NME7: variants seen among roughly 807,000 people sequenced by gnomAD.
The protein encoded by NME7 is NME/NM23 family member 7.
Under a neutral mutation model 49.1 loss-of-function variants are expected in NME7, and 41 were observed. The ratio of observed to expected loss-of-function variants is 0.83; its 90% CI spans 0.65 to 1.08. NME7 has a LOEUF of 1.08. NME7 is among the 50% of genes least tolerant of loss of function. The probability of loss-of-function intolerance (pLI) is 0.00; values close to 1 mark genes in which losing one functional copy is unlikely to be tolerated. For synonymous variants in NME7, 139 were observed against 150.6 expected (o/e 0.92, Z 0.56); for missense variants, 423 against 463.4 (o/e 0.91, Z 0.80).
intron 11 of NME7, among the ~76,000 whole-genome samples, chr1:169,156,866 T>G (rs760824044): frequency 2.6e-5 from 4 of 152,210 alleles, no homozygotes; most frequent in Non-Finnish European, 4.4e-5. Flanking sequence ...GAATTACAAT[T>G]TGATAGCTTA....
At chr1:169,290,422 C>T (rs1180446849) in intron 6 of NME7, among the ~76,000 whole-genome samples, 3 of 152,040 alleles carry the variant, frequency 2.0e-5, no homozygotes, top group Non-Finnish European at 4.4e-5. Context: ...TGAAAGGATT[C>T]CCTATTTAAT....
chr1:169,169,225 AG>A, intron 11 of NME7: 2 of 441,274 alleles, frequency 4.5e-6, no homozygotes, highest in Non-Finnish European at 8.4e-6. Context: ...GGGATAGGGG[AG>A]GGATAACATT....
At chr1:169,230,891 G>T in intron 9 of NME7, 72 bp from the exon 10 acceptor site, 1 of 1,005,226 alleles carries the variant, frequency 9.9e-7, no homozygotes. Flanking sequence ...TTGTTTCACT[G>T]TTCCACTAAT....
intron 5 of NME7, 119 bp from the exon 6 acceptor site, chr1:169,298,882 G>T: frequency 1.1e-6 from 1 of 877,300 alleles, no homozygotes; most frequent in Non-Finnish European, 1.7e-6. Flanking sequence ...TATAATCTTA[G>T]AACCATTAAG....
intron 3 of NME7, among the ~76,000 whole-genome samples, chr1:169,315,950 T>C (rs1232997769): frequency 6.6e-6 from 1 of 151,988 alleles, no homozygotes; most frequent in Non-Finnish European, 1.5e-5. Flanking sequence ...AAAAGGGGAA[T>C]AAAGAAAATT....
intron 11 of NME7, among the ~76,000 whole-genome samples, chr1:169,144,409 A>C (rs186114978): frequency 6.6e-6 from 1 of 152,258 alleles, no homozygotes. Flanking sequence ...ATACTATTCT[A>C]TGTTTTGTTT....
intron 7 of NME7, among the ~76,000 whole-genome samples, chr1:169,252,576 T>C (rs1648680615): frequency 6.6e-6 from 1 of 152,202 alleles, no homozygotes; most frequent in East Asian, 1.9e-4. Flanking sequence ...TTAGATCCCA[T>C]TTGTCGATTT....
chr1:169,276,213 G>A (rs1352054104), intron 7 of NME7, among the ~76,000 whole-genome samples: 1 of 133,976 alleles, frequency 7.5e-6, no homozygotes, highest in East Asian at 2.0e-4. Flanking sequence ...AAATGAGTTA[G>A]GGAGGATTCC....
At chr1:169,298,405 T>C (rs2101906412) in intron 6 of NME7, 151 bp downstream of exon 6, 1 of 724,066 alleles carries the variant, frequency 1.4e-6, no homozygotes, top group East Asian at 2.6e-5. Flanking sequence ...TGAATCACTG[T>C]TTGATAGTAG....
At chr1:169,308,765 A>T (rs1651276457) in intron 4 of NME7, among the ~76,000 whole-genome samples, 1 of 152,132 alleles carries the variant, frequency 6.6e-6, no homozygotes, top group African/African-American at 2.4e-5. Flanking sequence ...TACTTACTTC[A>T]TGATAGAAAG....
intron 10 of NME7, among the ~76,000 whole-genome samples, chr1:169,209,240 G>A (rs185602953): frequency 6.6e-6 from 1 of 152,070 alleles, no homozygotes; most frequent in East Asian, 1.9e-4. Flanking sequence ...AGATGCCAAA[G>A]TTAAAATAGT....
intron 7 of NME7, among the ~76,000 whole-genome samples, chr1:169,278,037 A>G (rs201886581): frequency 0.082 from 12,357 of 151,194 alleles, 1,575 homozygotes; most frequent in East Asian, 0.65. Context: ...TGACTTGTAG[A>G]GTTTCTGCCG....
intron 9 of NME7, among the ~76,000 whole-genome samples, chr1:169,231,763 G>A (rs543526328): frequency 3.3e-5 from 5 of 152,090 alleles, no homozygotes; most frequent in Admixed American, 3.3e-4. Context: ...CTGCACCATA[G>A]CAGTTGGCCT....
At chr1:169,242,330 A>G (rs115017876) in intron 7 of NME7, among the ~76,000 whole-genome samples, 97 of 152,176 alleles carry the variant, frequency 6.4e-4, no homozygotes, top group African/African-American at 2.3e-3. Flanking sequence ...CTATAGATAT[A>G]TATCTGCATA....
chr1:169,150,827 C>G (rs1363865298), intron 11 of NME7, among the ~76,000 whole-genome samples: 2 of 150,602 alleles, frequency 1.3e-5, no homozygotes, highest in African/African-American at 2.4e-5. Context: ...GGGTACTGAC[C>G]TTTGAATTTC....
chr1:169,355,367 T>TACACACAC (rs36138444), intron 1 of NME7, among the ~76,000 whole-genome samples: 7 of 71,212 alleles, frequency 9.8e-5, no homozygotes, highest in Admixed American at 4.2e-4. Context: ...ATATATATTA[T>TACACACAC]ACACACACAC....
At chr1:169,190,643 G>A (rs961832987) in intron 10 of NME7, 7 of 435,726 alleles carry the variant, frequency 1.6e-5, no homozygotes, top group East Asian at 7.7e-5. Flanking sequence ...TAATACTCAC[G>A]GAACAGAGAT....
intron 11 of NME7, among the ~76,000 whole-genome samples, chr1:169,167,968 G>A (rs1047778156): frequency 6.6e-6 from 1 of 151,226 alleles, no homozygotes; most frequent in African/African-American, 2.5e-5. Context: ...GAGACCATCA[G>A]GTGATGGTCA....
intron 7 of NME7, among the ~76,000 whole-genome samples, chr1:169,252,424 A>T (rs868214427): frequency 0.04 from 5,989 of 149,538 alleles, 178 homozygotes; most frequent in East Asian, 0.098. Flanking sequence ...TTTTTTCTTA[A>T]AAATTTGTTT....
Sources: gnomAD v4.1 joint callset for allele counts (sites outside exome capture counted in the v4.1 genomes callset) on GRCh38, gnomAD v4.1.1 for gene constraint, MANE v1.5 for transcripts, NCBI Gene and HGNC (gene_info 2026-07-23, HGNC 2026-07-21) for gene names.